The following SCN3A variants were observed in gnomAD, a reference collection of about 807,000 sequenced individuals.
SCN3A encodes sodium voltage-gated channel alpha subunit 3.
A neutral mutation model predicts 187.6 loss-of-function variants in SCN3A; 60 were observed. The ratio of observed to expected loss-of-function variants is 0.32; its 90% CI spans 0.26 to 0.40. The LOEUF is 0.40. Ranked by LOEUF, SCN3A falls within the 10% of genes least tolerant of loss-of-function variation. SCN3A has a pLI of 1.00. For synonymous variants in SCN3A, 788 were observed against 829.2 expected, an observed-to-expected ratio of 0.95 and a Z score of 0.85; for missense variants, 1,601 against 2,428.2, an observed-to-expected ratio of 0.66 and a Z score of 7.16.
intron 18 of SCN3A, among the ~76,000 whole-genome samples, chr2:165,127,265 T>A (rs903494489): frequency 6.6e-6 from 1 of 151,912 alleles, no homozygotes; most frequent in Non-Finnish European, 1.5e-5. Context: ...TTTTGCCATC[T>A]TGCCCAGGCT....
chr2:165,193,835 C>T (rs910483226), intron 1 of SCN3A, among the ~76,000 whole-genome samples: 1 of 152,106 alleles, frequency 6.6e-6, no homozygotes. Flanking sequence ...TAGCTCAGAG[C>T]AAAGAGGTTT....
At chr2:165,149,973 T>C (rs564372325) in intron 11 of SCN3A, among the ~76,000 whole-genome samples, 1 of 152,332 alleles carries the variant, frequency 6.6e-6, no homozygotes, top group East Asian at 1.9e-4. Context: ...CAAGACATTA[T>C]ACCTATTTCT....
At chr2:165,093,512 TA>T (rs1285469703) in intron 26 of SCN3A, 1 of 152,174 alleles carries the variant, frequency 6.6e-6, no homozygotes, top group Non-Finnish European at 1.5e-5. Flanking sequence ...ACAGTTTTAT[TA>T]AAGAAATATA....
intron 21 of SCN3A, among the ~76,000 whole-genome samples, chr2:165,105,622 G>A (rs930858146): frequency 6.6e-6 from 1 of 152,098 alleles, no homozygotes; most frequent in African/African-American, 2.4e-5. Flanking sequence ...TGGCCAGCTG[G>A]GGTGGGTAAG....
chr2:165,158,208 C>T (rs1465662578), intron 9 of SCN3A, among the ~76,000 whole-genome samples: 2 of 93,360 alleles, frequency 2.1e-5, no homozygotes, highest in Admixed American at 1.3e-4. Context: ...TTAATCTATA[C>T]TACCATTGGA....
In SCN3A at chr2:165,140,209, G is replaced by A. The variant is rs945854182; in HGVS notation, c.2019+442C>T. 1.3e-5 allele frequency among the ~76,000 whole-genome samples: 2 copies of A among 152,226 alleles called. No individual in the cohort carries two copies. The highest frequency in any genetic ancestry group is 3.9e-4 in the East Asian group (2 of 5,188). ...TAAAATAGCACTGTAAATATTGACA[G>A]TTGTATGAAATTGCCCATTATCAAC... On this transcript the variant is annotated intron_variant, in intron 13 of 27. Coordinates refer to ENST00000283254, the MANE Select transcript of SCN3A (RefSeq NM_006922.4). The surrounding 1 kb of genome is among the most constrained non-coding windows in gnomAD (Gnocchi z 4.2).
In SCN3A at chr2:165,139,695, A is replaced by G; in HGVS notation, c.2020-87T>C. The G allele has an allele frequency of 2.6e-6, 4 of 1,514,360 alleles. No homozygotes were observed. The South Asian group carries it at 3.4e-5, about 13-fold the overall frequency. 93.8% of individuals were successfully genotyped at this position (1,514,360 alleles called of 1,614,324 possible). ...GCATTTCTTTGGCAAATCATGCTAC[A>G]TGCAATTTTTCCAGGTAAGAATTTT... On this transcript the variant is annotated intron_variant, in intron 13 of 27. Transcript: ENST00000283254.
intron 1 of SCN3A, chr2:165,195,199 G>A (rs1259850707): frequency 6.6e-6 from 1 of 152,134 alleles, no homozygotes; most frequent in Non-Finnish European, 1.5e-5. Flanking sequence ...TAGAGGACCT[G>A]GTAAGTAAGA....
chr2:165,091,958 G>T, intron 27 of SCN3A: 1 of 449,760 alleles, frequency 2.2e-6, no homozygotes, highest in Non-Finnish European at 4.1e-6. Flanking sequence ...TGTTTTTTAA[G>T]CCATCTGCCT....
Position 165,146,890 on chromosome 2 carries a change from C to T in SCN3A, c.1520G>A (p.Arg507Lys), listed in dbSNP as rs780520734. 72 of 1,613,950 alleles carry T rather than the reference C, an allele frequency of 4.5e-5. No homozygotes were observed. The highest frequency in any genetic ancestry group is 6.7e-5 in the East Asian group (3 of 44,874). ...GTTTCCTTCAAGGTGCTCTCTCTGT[C>T]TTCTTTTCTTCCTTCGGTTCCTCCA... is the stretch of plus-strand genomic sequence containing the variant. ...KEWRNRRKKR[R>K]QREHLEGNNK... Residue 507 changes from arginine (R) to lysine (K), a missense_variant, in exon 12 of 28, where the codon AGA becomes AAA. Arg to Lys is a conservative substitution (Grantham distance 26). This residue lies in a region of SCN3A where 376 missense variants were observed against 476.0 expected (regional missense o/e 0.79). Coordinates refer to ENST00000283254, the MANE Select transcript of SCN3A (RefSeq NM_006922.4).
chr2:165,101,784 C>G (rs918103101), intron 21 of SCN3A, among the ~76,000 whole-genome samples: 18 of 152,240 alleles, frequency 1.2e-4, no homozygotes, highest in Non-Finnish European at 2.4e-4. Flanking sequence ...ATGATGAAAT[C>G]AATAATGTGC....
chr2:165,095,532 G>C lies in SCN3A; in HGVS notation c.4410C>G (p.Asn1470Lys), dbSNP rs2105640641. ...TTATCTTCTTTTTCTGCTGGTTGAA[G>C]TTATCTATGATGACACCAATGAATA... ...LNLFIGVIID[N>K]FNQQKKKFGG... Residue 1470 changes from asparagine to lysine, a missense_variant, in exon 25 of 28, where the codon AAC becomes AAG. By Grantham distance (94) the Asn-to-Lys change is moderately conservative. Transcript: ENST00000283254. The C allele has an allele frequency of 6.2e-7, 1 of 1,612,686 alleles. No homozygotes were observed. Among genetic ancestry groups the C allele is most frequent in the East Asian group, 2.2e-5 (1 of 44,786 alleles).
In SCN3A at chr2:165,087,868, A is replaced by G. The variant is rs1422518300; in HGVS notation, c.*2282T>C. Reference sequence around the variant, plus strand: ...AGGGAGTTAATTGAAATTGAAAGCTATTGTAGGTGGTTACTACTATTATTA... The same window carrying G: ...AGGGAGTTAATTGAAATTGAAAGCTGTTGTAGGTGGTTACTACTATTATTA... On this transcript the variant is annotated 3_prime_UTR_variant, in exon 28 of 28. Transcript: ENST00000283254. 1.3e-5 allele frequency: 2 copies of G among 152,146 alleles called. No homozygotes were observed. Among genetic ancestry groups the G allele is most frequent in the Non-Finnish European group, 2.9e-5 (2 of 67,994 alleles). The allele number at this position is 152,146 out of a possible 1,614,324, so 9.4% of individuals were successfully genotyped here.
At chr2:165,115,612 C>T (rs1686333687) in intron 18 of SCN3A, 37 bp from the exon 19 acceptor site, 2 of 1,607,596 alleles carry the variant, frequency 1.2e-6, no homozygotes, top group Non-Finnish European at 1.7e-6. Flanking sequence ...TGTGATTTTC[C>T]CCCTTTTATT....
At chr2:165,139,108 A>G (rs1278832289) in intron 14 of SCN3A, among the ~76,000 whole-genome samples, 2 of 152,146 alleles carry the variant, frequency 1.3e-5, no homozygotes, top group Non-Finnish European at 2.9e-5. Flanking sequence ...CAACACTTCC[A>G]TGCCTGAAGA....
In SCN3A at chr2:165,155,236, A is replaced by G. The variant is rs7591088; in HGVS notation, c.1173+526T>C. On this transcript the variant is annotated intron_variant, in intron 10 of 27. Transcript: ENST00000283254. ...ACATAAAAAAGTCCTCAGTGTACAT[A>G]TATAGGTACTGACTCAGTGAGCAAT... Among the ~76,000 whole-genome samples, 788 of 152,238 alleles carry G rather than the reference A, an allele frequency of 5.2e-3. 2 individuals are homozygous for G. The highest frequency in any genetic ancestry group is 0.018 in the African/African-American group (753 of 41,536).
intron 21 of SCN3A, 73 bp downstream of exon 21, chr2:165,112,812 T>G: frequency 7.5e-7 from 1 of 1,325,846 alleles, no homozygotes; most frequent in Admixed American, 1.8e-5. Context: ...AAAGTTTTAA[T>G]AACAGAAACA....
rs141720160 is a variant in SCN3A at position 165,189,286 on chromosome 2, G to T, written c.-247-2539C>A. Among the ~76,000 whole-genome samples the T allele has an allele frequency of 8.8e-3, 1,337 of 152,224 alleles. 20 individuals are homozygous for T. Among genetic ancestry groups the T allele is most frequent in the African/African-American group, 0.03 (1,233 of 41,540 alleles). ...TTTTATTTTGCACAGATGTGTACAA[G>T]ATGCAAAAAAGTCTTTCTCTGATGG... On this transcript the variant is annotated intron_variant, in intron 1 of 27. Coordinates refer to ENST00000283254, the MANE Select transcript of SCN3A (RefSeq NM_006922.4).
chr2:165,139,164 C>G (rs1443695386), intron 14 of SCN3A, among the ~76,000 whole-genome samples: 1 of 151,968 alleles, frequency 6.6e-6, no homozygotes, highest in Non-Finnish European at 1.5e-5. Context: ...TTCTATATAC[C>G]AAGACTTAGA....
Sources: gnomAD v4.1 joint callset for allele counts (sites outside exome capture counted in the v4.1 genomes callset) on GRCh38, gnomAD v4.1.1 for gene constraint, gnomAD v4.1.1 regional missense constraint, Gnocchi (gnomAD v3.1) non-coding constraint, MANE v1.5 for transcripts, NCBI Gene and HGNC (gene_info 2026-07-23, HGNC 2026-07-21) for gene names.